Variants in AP3S1 observed in about 807,000 individuals in gnomAD.
AP3S1 encodes adaptor related protein complex 3 subunit sigma 1, also known as AP-3 complex subunit sigma-1.
A neutral mutation model predicts 21.3 loss-of-function variants in AP3S1; 12 were observed. The observed-to-expected ratio is 0.56, with a 90% CI of 0.36 to 0.91. The LOEUF (loss-of-function observed/expected upper bound fraction) is 0.91, where lower values mean the gene tolerates loss of function less well. Among genes scored for constraint, AP3S1 ranks in the 40% least tolerant of loss-of-function variants. The pLI is 0.01. For missense variants in AP3S1, 116 were observed against 225.0 expected, an observed-to-expected ratio of 0.52 and a Z score of 3.10; for synonymous variants, 48 against 78.4, an observed-to-expected ratio of 0.61 and a Z score of 2.05.
At chr5:115,910,949 C>T (rs888287617) in intron 5 of AP3S1, among the ~76,000 whole-genome samples, 1 of 152,040 alleles carries the variant, frequency 6.6e-6, no homozygotes, top group African/African-American at 2.4e-5. Flanking sequence ...AATTCATTTG[C>T]GTGTTCTGAA....
At chr5:115,850,951 T>G (rs898764070) in intron 1 of AP3S1, among the ~76,000 whole-genome samples, 1 of 152,222 alleles carries the variant, frequency 6.6e-6, no homozygotes, top group African/African-American at 2.4e-5. Context: ...GAATTCTCAC[T>G]AGTTTATAGA....
intron 5 of AP3S1, among the ~76,000 whole-genome samples, chr5:115,907,332 C>T (rs1414460196): frequency 1.3e-5 from 2 of 152,072 alleles, no homozygotes; most frequent in African/African-American, 4.8e-5. Context: ...AAACCAAAAG[C>T]TGAACCTTCA....
chr5:115,868,433 A>C (rs188013274), intron 2 of AP3S1, among the ~76,000 whole-genome samples: 1 of 152,304 alleles, frequency 6.6e-6, no homozygotes, highest in African/African-American at 2.4e-5. Context: ...TTTAAATTAA[A>C]CATCTTCTCT....
intron 4 of AP3S1, among the ~76,000 whole-genome samples, chr5:115,896,080 T>G (rs1750734726): frequency 2.0e-5 from 3 of 152,132 alleles, no homozygotes; most frequent in African/African-American, 4.8e-5. Flanking sequence ...TCTGAAAATT[T>G]TAGCAAAAAA....
chr5:115,849,770 G>C, intron 1 of AP3S1, among the ~76,000 whole-genome samples: 1 of 152,098 alleles, frequency 6.6e-6, no homozygotes. Context: ...GTAAAAGTCA[G>C]TGCATCAAAA....
chr5:115,902,215 T>C (rs373773908), intron 4 of AP3S1, among the ~76,000 whole-genome samples: 3 of 152,184 alleles, frequency 2.0e-5, no homozygotes, highest in African/African-American at 4.8e-5. Flanking sequence ...TGTAATTCAG[T>C]TCTGAATTGT....
chr5:115,870,271 C>T (rs1322965538), intron 3 of AP3S1, 143 bp downstream of exon 3: 1 of 546,874 alleles, frequency 1.8e-6, no homozygotes. Flanking sequence ...TAAAAGAGGT[C>T]AGAGGACATA....
intron 1 of AP3S1, among the ~76,000 whole-genome samples, chr5:115,852,314 C>T (rs548316337): frequency 5.1e-4 from 78 of 152,096 alleles, no homozygotes; most frequent in African/African-American, 1.7e-3. Context: ...GAACTTGCTG[C>T]TTATAAAATG....
intron 3 of AP3S1, among the ~76,000 whole-genome samples, chr5:115,893,226 C>A (rs1750470667): frequency 6.6e-6 from 1 of 152,088 alleles, no homozygotes; most frequent in African/African-American, 2.4e-5. Flanking sequence ...CCCCAAGAAG[C>A]AGAGAGTGTC....
chr5:115,898,168 A>G (rs79562243), intron 4 of AP3S1, among the ~76,000 whole-genome samples: 8,078 of 152,256 alleles, frequency 0.053, 292 homozygotes, highest in Non-Finnish European at 0.075. Flanking sequence ...GAGAGAAAAA[A>G]AGTTTTCATT....
chr5:115,912,994 G>A lies in AP3S1; in HGVS notation c.454-368G>A, dbSNP rs551451217. Among the ~76,000 whole-genome samples the A allele has an allele frequency of 7.2e-5, 11 of 152,126 alleles. 1 individual carries two copies. Among genetic ancestry groups the A allele is most frequent in the South Asian group, 6.2e-4 (3 of 4,828 alleles). ...AAGCAAAAGAAAATCTATCACAATC[G>A]TTGCAAGAGATATTTAATAAGGAAA... On this transcript the variant is annotated intron_variant, in intron 5 of 5. Coordinates refer to ENST00000316788, the MANE Select transcript of AP3S1 (RefSeq NM_001284.4).
chr5:115,869,373 C>T (rs1047870472), intron 2 of AP3S1, among the ~76,000 whole-genome samples: 2 of 152,118 alleles, frequency 1.3e-5, no homozygotes, highest in African/African-American at 2.4e-5. Context: ...GTGTAACTTA[C>T]TGTGACGTAT....
chr5:115,899,850 AAAG>A (rs1751061252), intron 4 of AP3S1, among the ~76,000 whole-genome samples: 1 of 152,138 alleles, frequency 6.6e-6, no homozygotes. Context: ...CAATTGAGAG[AAAG>A]AAGAATGAGG....
intron 1 of AP3S1, chr5:115,842,522 G>A (rs1761683702): frequency 6.3e-6 from 1 of 158,908 alleles, no homozygotes; most frequent in Non-Finnish European, 1.3e-5. Flanking sequence ...GGAGGAGGAA[G>A]ACGGCGTGGA....
At chr5:115,847,507 C>G (rs779013201) in intron 1 of AP3S1, among the ~76,000 whole-genome samples, 1 of 151,892 alleles carries the variant, frequency 6.6e-6, no homozygotes, top group South Asian at 2.1e-4. Flanking sequence ...ATAGTCTTAG[C>G]TGCTTAGGTG....
chr5:115,868,421 T>A (rs1245045524), intron 2 of AP3S1, among the ~76,000 whole-genome samples: 3 of 152,186 alleles, frequency 2.0e-5, no homozygotes, highest in African/African-American at 7.2e-5. Context: ...CATGTAGATA[T>A]TTTTAAATTA....
chr5:115,841,996 C>T lies in AP3S1; in HGVS notation c.-42C>T, dbSNP rs935223106. On this transcript the variant is annotated 5_prime_UTR_variant, in exon 1 of 6. Coordinates refer to ENST00000316788, the MANE Select transcript of AP3S1 (RefSeq NM_001284.4). Reference sequence around the variant, plus strand: ...GAGGCGAGGCTCGCGCGCCCGCCCCCGCCCTGGCCCCCAGTGCCCACCCGG... The same window carrying T: ...GAGGCGAGGCTCGCGCGCCCGCCCCTGCCCTGGCCCCCAGTGCCCACCCGG... The T allele has an allele frequency of 1.3e-6, 2 of 1,562,620 alleles. No individual in the cohort carries two copies. Among genetic ancestry groups the T allele is most frequent in the Non-Finnish European group, 1.7e-6 (2 of 1,155,082 alleles).
intron 4 of AP3S1, among the ~76,000 whole-genome samples, chr5:115,895,607 A>G (rs1226243105): frequency 6.6e-6 from 1 of 152,202 alleles, no homozygotes; most frequent in Non-Finnish European, 1.5e-5. Flanking sequence ...TAAAACAACC[A>G]TTAATGCCAT....
At chr5:115,911,745 C>G (rs1752128305) in intron 5 of AP3S1, among the ~76,000 whole-genome samples, 1 of 151,334 alleles carries the variant, frequency 6.6e-6, no homozygotes, top group Admixed American at 6.6e-5. Context: ...TACATGCTGC[C>G]TTAATTATTA....
Sources: gnomAD v4.1 joint callset for allele counts (sites outside exome capture counted in the v4.1 genomes callset) on GRCh38, gnomAD v4.1.1 for gene constraint, MANE v1.5 for transcripts, NCBI Gene and HGNC (gene_info 2026-07-23, HGNC 2026-07-21) for gene names.